The following AGMO variants were observed in gnomAD, a reference collection of about 807,000 sequenced individuals.
AGMO encodes the protein alkylglycerol monooxygenase.
In AGMO, 75 loss-of-function variants were observed where a neutral mutation model predicts 60.2. The ratio of observed to expected loss-of-function variants is 1.25; its 90% CI spans 1.03 to 1.51. The LOEUF is 1.51. AGMO is among the 40% of genes most tolerant of loss of function. AGMO has a pLI of 0.00. For missense variants in AGMO, 763 were observed against 525.5 expected (o/e 1.45, Z -4.42); for synonymous variants, 261 against 177.1 (o/e 1.47, Z -3.76).
chr7:15,385,404 A>G (rs2128482980), intron 10 of AGMO, 42 bp downstream of exon 10: 1 of 1,260,692 alleles, frequency 7.9e-7, no homozygotes, highest in East Asian at 2.4e-5. Flanking sequence ...AAACAAAGTA[A>G]CAGATAATGT....
At chr7:15,150,059 T>C in the AGMO span, among the ~76,000 whole-genome samples, 2 of 152,090 alleles carry the variant, frequency 1.3e-5, no homozygotes, top group Non-Finnish European at 2.9e-5. Flanking sequence ...TTTTTGTGGT[T>C]ATTATGAATG....
At chr7:15,492,356 A>G (rs1309862848) in intron 3 of AGMO, among the ~76,000 whole-genome samples, 2 of 87,968 alleles carry the variant, frequency 2.3e-5, no homozygotes, top group Non-Finnish European at 4.8e-5. Flanking sequence ...GAGGCCCAAT[A>G]CGAAAAAAAA....
At chr7:15,133,719 T>C in the AGMO span, among the ~76,000 whole-genome samples, 2 of 152,082 alleles carry the variant, frequency 1.3e-5, no homozygotes, top group Admixed American at 1.3e-4. Context: ...AAAAACTAAA[T>C]TAGTAACTGT....
At chr7:15,479,967 C>CA (rs1005148620) in intron 3 of AGMO, among the ~76,000 whole-genome samples, 20 of 150,970 alleles carry the variant, frequency 1.3e-4, no homozygotes, top group African/African-American at 4.1e-4. Context: ...TGACTTAAAG[C>CA]AAAAAAAAGC....
chr7:15,471,610 C>T (rs1782451670), intron 3 of AGMO, among the ~76,000 whole-genome samples: 1 of 151,782 alleles, frequency 6.6e-6, no homozygotes. Flanking sequence ...GTTTTAGAAA[C>T]AATGTTAGCT....
rs183226418 is a variant in AGMO, at chr7:15,398,284, A to T, written c.610-4105T>A. Among the ~76,000 whole-genome samples the T allele has an allele frequency of 1.7e-4, 26 of 152,252 alleles. No individual in the cohort carries two copies. In the East Asian group the frequency reaches 4.8e-3, roughly 28 times the overall value. On this transcript the variant is annotated intron_variant, in intron 5 of 12. Coordinates refer to ENST00000342526, the MANE Select transcript of AGMO (RefSeq NM_001004320.2). ...TGGCTGAGTGCACTATTTTTTTTTAATGTCAAGCTCTTTATTGCGGTGAAA... is the reference window on the plus strand; with the variant it reads ...TGGCTGAGTGCACTATTTTTTTTTATTGTCAAGCTCTTTATTGCGGTGAAA...
chr7:15,544,234 G>A (rs1024828659), intron 3 of AGMO, among the ~76,000 whole-genome samples: 1 of 151,306 alleles, frequency 6.6e-6, no homozygotes, highest in Non-Finnish European at 1.5e-5. Context: ...GGGTGGGGGT[G>A]GCAAAGGATA....
chr7:15,279,479 A>AT (rs895628467), intron 12 of AGMO, among the ~76,000 whole-genome samples: 4 of 150,890 alleles, frequency 2.7e-5, no homozygotes, highest in African/African-American at 7.3e-5. Flanking sequence ...GTTTTTTTTT[A>AT]TTTTTTTTAA....
chr7:15,479,256 A>G (rs1440651895), intron 3 of AGMO, among the ~76,000 whole-genome samples: 1 of 152,172 alleles, frequency 6.6e-6, no homozygotes, highest in Non-Finnish European at 1.5e-5. Context: ...ACAAAAGTAC[A>G]ATGGGGCAGG....
intron 8 of AGMO, among the ~76,000 whole-genome samples, chr7:15,388,647 G>A (rs933973523): frequency 8.5e-5 from 13 of 152,128 alleles, no homozygotes; most frequent in African/African-American, 2.9e-4. Context: ...CAAGGTCAAT[G>A]ATTTACGCCT....
intron 3 of AGMO, among the ~76,000 whole-genome samples, chr7:15,489,918 GTAGA>G (rs1199023649): frequency 2.6e-4 from 39 of 152,244 alleles, no homozygotes; most frequent in African/African-American, 8.7e-4. Flanking sequence ...AAAATGCAAC[GTAGA>G]TAATTAAAAT....
intron 12 of AGMO, among the ~76,000 whole-genome samples, chr7:15,246,216 T>C (rs556277513): frequency 6.6e-6 from 1 of 152,120 alleles, no homozygotes; most frequent in Non-Finnish European, 1.5e-5. Flanking sequence ...TTTTACATAA[T>C]AGCTTCAAGT....
At chr7:15,499,686 T>C (rs1321866401) in intron 3 of AGMO, among the ~76,000 whole-genome samples, 1 of 151,730 alleles carries the variant, frequency 6.6e-6, no homozygotes, top group Non-Finnish European at 1.5e-5. Context: ...ATAAGGGATA[T>C]ATGCACGAGG....
chr7:15,158,400 C>G, the AGMO span, among the ~76,000 whole-genome samples: 1 of 152,180 alleles, frequency 6.6e-6, no homozygotes, highest in Non-Finnish European at 1.5e-5. Flanking sequence ...TTGTGAGGAG[C>G]ACAACTGCAG....
Position 15,516,795 on chromosome 7 carries a change from C to T in AGMO, c.409+27977G>A, listed in dbSNP as rs749276212. Among the ~76,000 whole-genome samples the T allele has an allele frequency of 2.6e-4, 39 of 150,940 alleles. 1 individual carries two copies. Among genetic ancestry groups the T allele is most frequent in the Admixed American group, 1.1e-3 (17 of 15,160 alleles). On this transcript the variant is annotated intron_variant, in intron 3 of 12. Transcript: ENST00000342526. Reference sequence around the variant, plus strand: ...TCAGGTTTTATAAACTCTTCCTTACCTTTTTCTGCAGGATATCGGTGAGTA... The same window carrying T: ...TCAGGTTTTATAAACTCTTCCTTACTTTTTTCTGCAGGATATCGGTGAGTA...
At chr7:15,540,586 T>C (rs552021188) in intron 3 of AGMO, among the ~76,000 whole-genome samples, 1 of 152,166 alleles carries the variant, frequency 6.6e-6, no homozygotes, top group African/African-American at 2.4e-5. Flanking sequence ...GCTCTGACAA[T>C]AGAAGGAAGG....
chr7:15,449,036 A>G (rs1484731383), intron 3 of AGMO, among the ~76,000 whole-genome samples: 6 of 152,172 alleles, frequency 3.9e-5, no homozygotes, highest in Non-Finnish European at 1.5e-5. Context: ...CGGAGTTATG[A>G]TACAGGTGTT....
the AGMO span, among the ~76,000 whole-genome samples, chr7:15,157,428 G>A: frequency 2.0e-5 from 3 of 152,180 alleles, no homozygotes; most frequent in African/African-American, 7.2e-5. Context: ...GAAGAGGGCT[G>A]CATTTTGTAC....
intron 12 of AGMO, among the ~76,000 whole-genome samples, chr7:15,286,444 T>C (rs1025419338): frequency 6.6e-6 from 1 of 151,942 alleles, no homozygotes; most frequent in Non-Finnish European, 1.5e-5. Flanking sequence ...AAAGAAGATA[T>C]ACAAATGGCC....
Sources: allele counts gnomAD v4.1 joint callset (sites outside exome capture counted in the v4.1 genomes callset), GRCh38; gene constraint gnomAD v4.1.1; transcripts MANE v1.5; gene names NCBI Gene and HGNC (gene_info 2026-07-23, HGNC 2026-07-21).